Variants in PLCH1 observed in about 807,000 individuals in gnomAD.
PLCH1 encodes phospholipase C eta 1.
A neutral mutation model predicts 126.7 loss-of-function variants in PLCH1; 60 were observed. The observed-to-expected ratio is 0.47, with a 90% CI of 0.38 to 0.59. The LOEUF is 0.59. PLCH1 is among the 20% of genes least tolerant of loss of function. The pLI is 0.00. For missense variants in PLCH1, 1,723 were observed against 2,040.0 expected (o/e 0.84, Z 2.99); for synonymous variants, 719 against 734.9 (o/e 0.98, Z 0.35).
At chr3:155,688,839 G>T (rs1745153648) in intron 2 of PLCH1, among the ~76,000 whole-genome samples, 1 of 152,234 alleles carries the variant, frequency 6.6e-6, no homozygotes, top group Non-Finnish European at 1.5e-5. Flanking sequence ...AGAGCAGGAA[G>T]AACTTTGTAT....
chr3:155,602,731 T>C (rs992293673), intron 2 of PLCH1, among the ~76,000 whole-genome samples: 6 of 152,136 alleles, frequency 3.9e-5, no homozygotes, highest in African/African-American at 1.4e-4. Flanking sequence ...TATTATAATC[T>C]CACAGGAACC....
At chr3:155,675,329 A>G (rs1277234004) in intron 2 of PLCH1, among the ~76,000 whole-genome samples, 1 of 152,198 alleles carries the variant, frequency 6.6e-6, no homozygotes, top group East Asian at 1.9e-4. Context: ...CTGACCAGGA[A>G]GGAATAATTC....
At chr3:155,543,710 C>G (rs564765863) in intron 10 of PLCH1, among the ~76,000 whole-genome samples, 1 of 151,818 alleles carries the variant, frequency 6.6e-6, no homozygotes, top group Non-Finnish European at 1.5e-5. Flanking sequence ...CTCTACAAGC[C>G]AGAAGAGAGT....
rs376989384 is a variant in PLCH1, at chr3:155,498,646, T to C, written c.1797-1229A>G. ...AGAATTATACACCTAAAGGGAAATA[T>C]GCCAAATTTCCATAGTGATTATTGG... is the stretch of plus-strand genomic sequence containing the variant. On this transcript the variant is annotated intron_variant, in intron 14 of 22. Coordinates refer to ENST00000460012, the MANE Select transcript of PLCH1 (RefSeq NM_014996.4). 5.3e-5 allele frequency among the ~76,000 whole-genome samples: 8 copies of C among 152,342 alleles called. No homozygotes were observed. The East Asian group carries it at 9.6e-4, about 18-fold the overall frequency.
At chr3:155,552,531 G>C (rs11927323) in intron 9 of PLCH1, among the ~76,000 whole-genome samples, 1 of 152,086 alleles carries the variant, frequency 6.6e-6, no homozygotes, top group Admixed American at 6.6e-5. Context: ...ATAGACTAAC[G>C]GGGAAGGTTG....
chr3:155,588,446 T>C (rs953474416), intron 4 of PLCH1, among the ~76,000 whole-genome samples: 1 of 152,208 alleles, frequency 6.6e-6, no homozygotes, highest in Admixed American at 6.5e-5. Context: ...CTATGGACAC[T>C]ACTCTATGCC....
rs773257653 is a variant in PLCH1 at position 155,481,398 on chromosome 3, G to C, written c.4628C>G (p.Ser1543Cys). ...ALTEQLRKLV[S>C]FDQEDNCQVL... ...TTGGCAGTTGTCTTCCTGGTCAAAG[G>C]ACACAAGCTTCCGAAGCTGCTCGGT... The change falls in exon 23 of 23, where the codon TCC becomes TGC. Residue 1543 changes from serine to cysteine, a missense_variant. By Grantham distance (112) the Ser-to-Cys change is moderately radical (BLOSUM62 -1). Coordinates refer to ENST00000460012, the MANE Select transcript of PLCH1 (RefSeq NM_014996.4). This position sits in a 1 kb window ranked among gnomAD's most constrained non-coding sequence, Gnocchi z 4.2. The C allele has an allele frequency of 3.7e-6, 6 of 1,614,208 alleles. No homozygotes were observed. The highest frequency in any genetic ancestry group is 5.1e-6 in the Non-Finnish European group (6 of 1,180,044).
intron 2 of PLCH1, among the ~76,000 whole-genome samples, chr3:155,663,670 A>G (rs1459106826): frequency 6.6e-6 from 1 of 152,178 alleles, no homozygotes; most frequent in Non-Finnish European, 1.5e-5. Flanking sequence ...TTATTTACCC[A>G]GCTATCCTTT....
At chr3:155,651,654 G>A (rs1217796426) in intron 2 of PLCH1, among the ~76,000 whole-genome samples, 1 of 152,082 alleles carries the variant, frequency 6.6e-6, no homozygotes, top group Non-Finnish European at 1.5e-5. Flanking sequence ...CAAATGAACT[G>A]CAATGTAAAC....
At position 155,480,843 on chromosome 3, in the gene PLCH1, G is replaced by T. The variant is rs757720047; in HGVS notation, c.*125C>A. 2.9e-5 allele frequency: 24 copies of T among 813,880 alleles called. No individual in the cohort carries two copies. The highest frequency in any genetic ancestry group is 4.7e-5 in the Non-Finnish European group (24 of 515,052). The allele number at this position is 813,880 out of a possible 1,614,324, so 50.4% of individuals were successfully genotyped here. On this transcript the variant is annotated 3_prime_UTR_variant, in exon 23 of 23. Coordinates refer to ENST00000460012, the MANE Select transcript of PLCH1 (RefSeq NM_014996.4). The stretch of plus-strand genomic sequence containing the variant: ...ACAGGGAGAACACATGAAGTCAAAG[G>T]GAGACCCAAATACAAGTTTAAAAAT...
chr3:155,460,787 A>AAGAAAGAT (rs1712684315), intron 21 of PLCH1, among the ~76,000 whole-genome samples: 1 of 146,366 alleles, frequency 6.8e-6, no homozygotes, highest in African/African-American at 2.5e-5. Context: ...ATAGATATAG[A>AAGAAAGAT]AGATAGATAG....
At chr3:155,593,755 A>G (rs186946740) in intron 4 of PLCH1, among the ~76,000 whole-genome samples, 186 bp downstream of exon 4, 31 of 152,316 alleles carry the variant, frequency 2.0e-4, no homozygotes, top group Non-Finnish European at 3.4e-4. Context: ...TTAAGTGTCC[A>G]TACATTTCAT....
intron 2 of PLCH1, among the ~76,000 whole-genome samples, chr3:155,598,845 T>C (rs1435083998): frequency 1.3e-5 from 2 of 152,162 alleles, no homozygotes; most frequent in African/African-American, 2.4e-5. Context: ...AAATGGTAGC[T>C]ATTTGTAACA....
chr3:155,704,369 A>G, intron 1 of PLCH1, 105 bp from the exon 2 acceptor site: 1 of 397,326 alleles, frequency 2.5e-6, no homozygotes, highest in Non-Finnish European at 4.4e-6. Flanking sequence ...GGCAACATAT[A>G]CGGCATACAA....
intron 10 of PLCH1, among the ~76,000 whole-genome samples, chr3:155,545,709 C>A (rs1472453987): frequency 1.3e-5 from 2 of 151,046 alleles, no homozygotes; most frequent in Admixed American, 1.3e-4. Flanking sequence ...TGGGCTTCAT[C>A]CCTGGGATGC....
chr3:155,674,614 TAAGATA>T (rs1743904651), intron 2 of PLCH1, among the ~76,000 whole-genome samples: 2 of 152,174 alleles, frequency 1.3e-5, no homozygotes. Context: ...ATAAAATCAC[TAAGATA>T]AATAATAGAA....
At chr3:155,455,331 G>A (rs1299145415) in intron 21 of PLCH1, among the ~76,000 whole-genome samples, 3 of 152,150 alleles carry the variant, frequency 2.0e-5, no homozygotes, top group African/African-American at 7.2e-5. Flanking sequence ...ATGCTGTCTT[G>A]TCCCCAAGAT....
chr3:155,740,455 T>C (rs1301565811), intron 1 of PLCH1, among the ~76,000 whole-genome samples: 1 of 151,582 alleles, frequency 6.6e-6, no homozygotes, highest in East Asian at 1.9e-4. Flanking sequence ...CTGTTAATTC[T>C]ACCCAACAAT....
At position 155,499,334 on chromosome 3, in the gene PLCH1, G is replaced by A. The variant is rs560254996; in HGVS notation, c.1796+1369C>T. Among the ~76,000 whole-genome samples, 33 of 152,226 alleles carry A rather than the reference G, an allele frequency of 2.2e-4. 1 individual carries two copies. Among genetic ancestry groups the A allele is most frequent in the Admixed American group, 1.6e-3 (25 of 15,280 alleles). Reference sequence around the variant, plus strand: ...GGTAAAAATCAATAGAAAAAAGAACGCATGTTCCTTCTTTACCATATAATT... The same window carrying A: ...GGTAAAAATCAATAGAAAAAAGAACACATGTTCCTTCTTTACCATATAATT... On this transcript the variant is annotated intron_variant, in intron 14 of 22. Transcript: ENST00000460012.
Sources: allele counts gnomAD v4.1 joint callset (sites outside exome capture counted in the v4.1 genomes callset), GRCh38; gene constraint gnomAD v4.1.1; non-coding constraint Gnocchi (gnomAD v3.1); transcripts MANE v1.5; gene names NCBI Gene and HGNC (gene_info 2026-07-23, HGNC 2026-07-21).